Variants in SH3TC2 observed in about 807,000 individuals in gnomAD.
SH3TC2 encodes SH3 domain and tetratricopeptide repeat-containing protein 2.
Under a neutral mutation model 124.5 loss-of-function variants are expected in SH3TC2, and 87 were observed. That is an observed-to-expected ratio of 0.70 (90% confidence interval 0.59 to 0.84). The LOEUF is 0.84. Ranked by LOEUF, SH3TC2 falls within the 40% of genes least tolerant of loss-of-function variation. The pLI, the probability that SH3TC2 is intolerant of heterozygous loss-of-function variation, is 0.00. For missense variants in SH3TC2, 1,536 were observed against 1,566.4 expected (o/e 0.98, Z 0.33); for synonymous variants, 634 against 628.5 (o/e 1.01, Z -0.13).
At position 148,993,346 on chromosome 5, in the gene SH3TC2, T is replaced by G. The variant is rs1753452011; in HGVS notation, c.*11365A>C. Among the ~76,000 whole-genome samples the G allele has an allele frequency of 6.6e-6, 1 of 152,216 alleles. No homozygotes were observed. The highest frequency in any genetic ancestry group is 1.5e-5 in the Non-Finnish European group (1 of 68,028). The stretch of plus-strand genomic sequence containing the variant: ...TAAATAAATTATTGTCAATAAATTA[T>G]AAGCCATCATTGTAAAATTCCAAAT... On this transcript the variant is annotated 3_prime_UTR_variant, in exon 17 of 17. Transcript: ENST00000515425.
chr5:149,027,575 G>C lies in SH3TC2; in HGVS notation c.2157C>G (p.Thr719=). The stretch of plus-strand genomic sequence containing the variant: ...CTGGGGAAGGAAAGCCAAGGAGCTT[G>C]GTTGTGTTCTGGAGGACAAGGTGGA... ...WQVHLVLQNT[T]KLLGFPSPGW... The change falls in exon 11 of 17, where the codon ACC becomes ACG. Residue 719 remains threonine (T), a synonymous_variant. Coordinates refer to ENST00000515425, the MANE Select transcript of SH3TC2 (RefSeq NM_024577.4). The C allele has an allele frequency of 1.2e-6, 2 of 1,614,254 alleles. No homozygotes were observed. The highest frequency in any genetic ancestry group is 1.7e-6 in the Non-Finnish European group (2 of 1,180,048).
intron 12 of SH3TC2, 120 bp from the exon 13 acceptor site, chr5:149,012,854 G>A: frequency 1.7e-6 from 2 of 1,181,300 alleles, no homozygotes; most frequent in East Asian, 2.5e-5. Flanking sequence ...ACACAGGGAG[G>A]TGGGCCTGAT....
At chr5:149,048,754 G>A (rs531743095) in intron 2 of SH3TC2, among the ~76,000 whole-genome samples, 4 of 152,090 alleles carry the variant, frequency 2.6e-5, no homozygotes, top group Non-Finnish European at 4.4e-5. Context: ...ATGGAGAAGA[G>A]CGCTATGAAA....
rs149873249 is a variant in SH3TC2, at chr5:149,040,615, G to A, written c.794C>T (p.Ser265Phe). 5.1e-5 allele frequency: 83 copies of A among 1,613,988 alleles called. No homozygotes were observed. In the African/African-American group the frequency reaches 1.0e-3, roughly 20 times the overall value. ...GLSRKRDWTG[S>F]YQIGRGRCKA... ...TGACTCAGCCATACCAATCTGATAG[G>A]AGCCTGTCCAATCCCTCTTCCTGGA... The change falls in exon 7 of 17, where the codon TCC becomes TTC. Residue 265 changes from serine to phenylalanine, a missense_variant. Physicochemically the swap from Ser to Phe is radical, Grantham distance 155. Around this residue, in one of 3 missense-constraint regions of SH3TC2, gnomAD observed 1,102 missense variants for 1,098.6 expected, o/e 1.00. Transcript: ENST00000515425.
In SH3TC2 at chr5:149,042,573, T is replaced by C. The variant is rs191894368; in HGVS notation, c.529+121A>G. The C allele has an allele frequency of 4.3e-5, 54 of 1,241,520 alleles. No homozygotes were observed. In the African/African-American group the frequency reaches 6.7e-4, roughly 15 times the overall value. 76.9% of individuals were successfully genotyped at this position (1,241,520 alleles called of 1,614,324 possible). A position where few individuals can be genotyped will look rare whatever the true frequency, so the allele number is the denominator to read the frequency against. On this transcript the variant is annotated intron_variant, in intron 5 of 16. Coordinates refer to ENST00000515425, the MANE Select transcript of SH3TC2 (RefSeq NM_024577.4). ...TCAAAGTACTATTATAACAGGTGGGTTCATTTGTGAATATTCCATGTTTGA... is the reference window on the plus strand; with the variant it reads ...TCAAAGTACTATTATAACAGGTGGGCTCATTTGTGAATATTCCATGTTTGA...
intron 4 of SH3TC2, chr5:149,044,266 T>C: frequency 2.4e-6 from 1 of 413,766 alleles, no homozygotes; most frequent in South Asian, 2.2e-5. Context: ...GACCAATAAC[T>C]GTTTTCCAAT....
intron 1 of SH3TC2, among the ~76,000 whole-genome samples, chr5:149,053,792 AG>A (rs1754597070): frequency 6.6e-6 from 1 of 152,148 alleles, no homozygotes; most frequent in Non-Finnish European, 1.5e-5. Flanking sequence ...TGAATCATCT[AG>A]GTTGCCTTTT....
chr5:149,038,213 C>A, intron 8 of SH3TC2, 82 bp downstream of exon 8: 1 of 1,424,782 alleles, frequency 7.0e-7, no homozygotes, highest in South Asian at 1.2e-5. Flanking sequence ...CCTCGAAGCT[C>A]AACTGCAAAT....
chr5:149,003,961 C>G lies in SH3TC2; in HGVS notation c.*750G>C. The G allele has an allele frequency of 3.6e-6, 1 of 274,182 alleles. No individual in the cohort carries two copies. The highest frequency in any genetic ancestry group is 1.5e-3 in the Middle Eastern group (1 of 676). The allele number at this position is 274,182 out of a possible 1,614,324, so 17.0% of individuals were successfully genotyped here. On this transcript the variant is annotated 3_prime_UTR_variant, in exon 17 of 17. Transcript: ENST00000515425. The stretch of plus-strand genomic sequence containing the variant: ...AGACAAAATGTGTGTGTAAATGTAA[C>G]TGGACAATATTTAATCATATACACT...
At chr5:149,014,777 A>C (rs575396608) in intron 12 of SH3TC2, among the ~76,000 whole-genome samples, 1 of 152,348 alleles carries the variant, frequency 6.6e-6, no homozygotes, top group East Asian at 1.9e-4. Context: ...ATCTTTCACT[A>C]TAGGAAGCCC....
At position 149,052,260 on chromosome 5, in the gene SH3TC2, AG is replaced by A. The variant is rs1321171562; in HGVS notation, c.53-21del. ...CTTTACCTGGAGAAGATGAAATAAA[AG>A]GTCATCTTAAGAGTGTAAGGAAGTT... On this transcript the variant is annotated intron_variant, in intron 1 of 16. Coordinates refer to ENST00000515425, the MANE Select transcript of SH3TC2 (RefSeq NM_024577.4). 1 of 1,565,400 alleles carries A rather than the reference AG, an allele frequency of 6.4e-7. No individual in the cohort carries two copies. The highest frequency in any genetic ancestry group is 1.7e-5 in the Admixed American group (1 of 59,956).
chr5:149,008,729 G>T, intron 15 of SH3TC2, 122 bp downstream of exon 15: 3 of 1,390,654 alleles, frequency 2.2e-6, no homozygotes, highest in Non-Finnish European at 3.1e-6. Flanking sequence ...CTCTCTGACA[G>T]TTGGACCTGG....
rs1311329364 is a variant in SH3TC2 at position 149,027,403 on chromosome 5, T to C, written c.2329A>G (p.Ile777Val). 3 of 1,614,036 alleles carry C rather than the reference T, an allele frequency of 1.9e-6. No individual in the cohort carries two copies. In the African/African-American group the frequency reaches 4.0e-5, roughly 22 times the overall value. Reference sequence around the variant, plus strand: ...ACCAAGGCCTGGCTCAGGTAGTGGATGGCACCGTCAGGAGACCTGTGCTCG... The same window carrying C: ...ACCAAGGCCTGGCTCAGGTAGTGGACGGCACCGTCAGGAGACCTGTGCTCG... The part of the protein sequence containing the change: ...YLEHRSPDGA[I>V]HYLSQALVLG... Residue 777 changes from isoleucine to valine, a missense_variant, in exon 11 of 17, where the codon ATC becomes GTC. Physicochemically the swap from Ile to Val is conservative, Grantham distance 29. Coordinates refer to ENST00000515425, the MANE Select transcript of SH3TC2 (RefSeq NM_024577.4).
chr5:149,020,931 T>C (rs1753957830), intron 12 of SH3TC2, among the ~76,000 whole-genome samples: 1 of 152,112 alleles, frequency 6.6e-6, no homozygotes, highest in Non-Finnish European at 1.5e-5. Context: ...TAAAAAATTA[T>C]AATTAGACCT....
rs373131888 is a variant in SH3TC2, at chr5:149,028,780, C to T, written c.1136-62G>A. The stretch of plus-strand genomic sequence containing the variant: ...AGGATGGGCCACCATGCCCATGCCT[C>T]CAGGTGTACCCCAGATCAGTGGCCT... On this transcript the variant is annotated intron_variant, in intron 9 of 16. Transcript: ENST00000515425. 389 of 1,557,722 alleles carry T rather than the reference C, an allele frequency of 2.5e-4. 2 individuals are homozygous for T. The African/African-American group carries it at 4.5e-3, about 18-fold the overall frequency.
Position 148,991,047 on chromosome 5 carries a change from A to T in SH3TC2, c.*13664T>A, listed in dbSNP as rs938042087. 6.6e-6 allele frequency among the ~76,000 whole-genome samples: 1 copy of T among 152,322 alleles called. No individual in the cohort carries two copies. The highest frequency in any genetic ancestry group is 6.5e-5 in the Admixed American group (1 of 15,296). On this transcript the variant is annotated 3_prime_UTR_variant, in exon 17 of 17. Transcript: ENST00000515425. ...CCCAGAATTAGATCACTTGTTGAAC[A>T]TCTGTTGACACTTTCCAGGGGACTT...
intron 9 of SH3TC2, 61 bp downstream of exon 9, chr5:149,031,493 G>T: frequency 6.2e-7 from 1 of 1,609,518 alleles, no homozygotes; most frequent in South Asian, 1.1e-5. Context: ...TCCTGGTTAG[G>T]GACACTATCT....
In SH3TC2 at chr5:149,028,527, ACCT is replaced by A; in HGVS notation, c.1202_1204del (p.Glu401del). 1 of 1,613,920 alleles carries A rather than the reference ACCT, an allele frequency of 6.2e-7. No individual in the cohort carries two copies. Among genetic ancestry groups the A allele is most frequent in the Non-Finnish European group, 8.5e-7 (1 of 1,179,896 alleles). Reference sequence around the variant, plus strand: ...CTCCTCCCAGGCTCTGCCAGGCCTGACCTCCTTGAAACCTTCAGGCTGGGATGC... The same window carrying A: ...CTCCTCCCAGGCTCTGCCAGGCCTGACCTTGAAACCTTCAGGCTGGGATGC... On this transcript the variant is annotated inframe_deletion, in exon 11 of 17. Coordinates refer to ENST00000515425, the MANE Select transcript of SH3TC2 (RefSeq NM_024577.4).
chr5:149,004,760 C>A lies in SH3TC2; in HGVS notation c.3818G>T (p.Cys1273Phe). 1.2e-6 allele frequency: 2 copies of A among 1,614,052 alleles called. No homozygotes were observed. Among genetic ancestry groups the A allele is most frequent in the Non-Finnish European group, 1.7e-6 (2 of 1,180,022 alleles). Residue 1273 changes from cysteine to phenylalanine, a missense_variant, in exon 17 of 17, where the codon TGC (cysteine) becomes TTC (phenylalanine). By Grantham distance (205) the Cys-to-Phe change is radical (BLOSUM62 -2). This residue lies in a region of SH3TC2 where 426 missense variants were observed against 443.5 expected (regional missense o/e 0.96). Transcript: ENST00000515425. ...SPLWHSRPSG[C>F]SSERARWLSG... is the part of the protein sequence containing the mutation. ...CAGCCACCGCGCCCTCTCTGAGGAGCACCCGGAGGGCCTGCTGTGCCACAG... is the reference window on the plus strand; with the variant it reads ...CAGCCACCGCGCCCTCTCTGAGGAGAACCCGGAGGGCCTGCTGTGCCACAG...
Sources: allele counts gnomAD v4.1 joint callset (sites outside exome capture counted in the v4.1 genomes callset), GRCh38; gene constraint gnomAD v4.1.1; regional missense constraint gnomAD v4.1.1; transcripts MANE v1.5; gene names NCBI Gene and HGNC (gene_info 2026-07-23, HGNC 2026-07-21).